KCNC1: variants seen among roughly 807,000 people sequenced by gnomAD.
The protein encoded by KCNC1 is potassium voltage-gated channel subfamily C member 1.
In KCNC1, 8 loss-of-function variants were observed where a neutral mutation model predicts 43.4. That is an observed-to-expected ratio of 0.18 (90% CI 0.11 to 0.33). The LOEUF is 0.33. KCNC1 is among the 10% of genes least tolerant of loss of function. The pLI is 1.00. For missense variants in KCNC1, 420 were observed against 836.0 expected, an observed-to-expected ratio of 0.50 and a Z score of 6.14; for synonymous variants, 361 against 360.5, an observed-to-expected ratio of 1.00 and a Z score of -0.01.
chr11:17,765,591 A>G (rs887395023), intron 1 of KCNC1, among the ~76,000 whole-genome samples: 1 of 152,180 alleles, frequency 6.6e-6, no homozygotes, highest in East Asian at 1.9e-4. Flanking sequence ...CTAGAACACA[A>G]TTGGTGGGTC....
intron 1 of KCNC1, among the ~76,000 whole-genome samples, chr11:17,761,197 C>T (rs1371623501): frequency 6.6e-6 from 1 of 152,188 alleles, no homozygotes; most frequent in African/African-American, 2.4e-5. Flanking sequence ...ACTGGCGGTT[C>T]CCACCAGGCT....
chr11:17,772,734 G>A, intron 2 of KCNC1, 136 bp downstream of exon 2: 1 of 1,502,908 alleles, frequency 6.7e-7, no homozygotes, highest in South Asian at 1.4e-5. Context: ...GAGGTGTGGA[G>A]CCTGGGGGCC....
Position 17,776,256 on chromosome 11 carries a change from G to A in KCNC1, c.1505-3200G>A, listed in dbSNP as rs371698703. On this transcript the variant is annotated intron_variant, in intron 2 of 3. Transcript: ENST00000265969. The surrounding 1 kb of genome is among the most constrained non-coding windows in gnomAD (Gnocchi z 4.4). ...CTCGTTTTGTTGCATGACTTGTGCC[G>A]GTTCTCGTGATTGTTCCCTGCTCGT... The A allele has an allele frequency of 1.0e-5, 10 of 985,036 alleles. No individual in the cohort carries two copies. Among genetic ancestry groups the A allele is most frequent in the Middle Eastern group, 1.0e-3 (2 of 1,914 alleles). The allele number at this position is 985,036 out of a possible 1,614,324, so 61.0% of individuals were successfully genotyped here.
chr11:17,766,154 T>C (rs965216628), intron 1 of KCNC1, among the ~76,000 whole-genome samples: 1 of 152,214 alleles, frequency 6.6e-6, no homozygotes, highest in Non-Finnish European at 1.5e-5. Context: ...TCTGCTGCAT[T>C]ATCTGTGTGT....
rs1269932360 is a variant in KCNC1, at chr11:17,773,205, G to A, written c.1504+607G>A. 6 of 986,178 alleles carry A rather than the reference G, an allele frequency of 6.1e-6. No individual in the cohort carries two copies. The highest frequency in any genetic ancestry group is 1.2e-4 in the Admixed American group (2 of 16,344). 61.1% of individuals were successfully genotyped at this position (986,178 alleles called of 1,614,324 possible). A position where few individuals can be genotyped will look rare whatever the true frequency, so the allele number is the denominator to read the frequency against. The stretch of plus-strand genomic sequence containing the variant: ...CAGCTCGAGGTCCTTCCCAGGAGAC[G>A]CCTGTAGCCCTCCGTGACAAGCTTA... On this transcript the variant is annotated intron_variant, in intron 2 of 3. Coordinates refer to ENST00000265969, the MANE Select transcript of KCNC1 (RefSeq NM_001112741.2). This position sits in a 1 kb window ranked among gnomAD's most constrained non-coding sequence, Gnocchi z 4.1.
Position 17,773,483 on chromosome 11 carries a change from C to T in KCNC1, c.1504+885C>T. ...TCCCACCGAGGGTTCTCCCCGTTTC[C>T]AGCGGTAGGGACTGCAGCAGCAATA... is the stretch of plus-strand genomic sequence containing the variant. On this transcript the variant is annotated intron_variant, in intron 2 of 3. Transcript: ENST00000265969. The surrounding 1 kb of genome is among the most constrained non-coding windows in gnomAD (Gnocchi z 4.1). 1 of 984,456 alleles carries T rather than the reference C, an allele frequency of 1.0e-6. No homozygotes were observed. The highest frequency in any genetic ancestry group is 1.2e-6 in the Non-Finnish European group (1 of 829,846). 61.0% of individuals were successfully genotyped at this position (984,456 alleles called of 1,614,324 possible).
intron 1 of KCNC1, among the ~76,000 whole-genome samples, chr11:17,763,275 C>T (rs560448537): frequency 2.0e-5 from 3 of 151,966 alleles, no homozygotes; most frequent in Non-Finnish European, 4.4e-5. Flanking sequence ...CTCAGCCCCC[C>T]ACCCTGCCTA....
intron 1 of KCNC1, among the ~76,000 whole-genome samples, chr11:17,767,478 G>T (rs1159845073): frequency 1.3e-5 from 2 of 152,106 alleles, no homozygotes; most frequent in Non-Finnish European, 2.9e-5. Context: ...CACATAGTAG[G>T]TCCTCAAGTT....
chr11:17,774,399 G>A, intron 2 of KCNC1: 1 of 985,524 alleles, frequency 1.0e-6, no homozygotes, highest in Non-Finnish European at 1.2e-6. Context: ...TCTTTCAGGA[G>A]TGTTGCCCCA....
chr11:17,780,295 G>A (rs1451683048), intron 3 of KCNC1: 2 of 152,516 alleles, frequency 1.3e-5, no homozygotes, highest in Non-Finnish European at 2.9e-5. Context: ...ACAGGCCTCT[G>A]CCCAGGGTGT....
chr11:17,750,344 C>T (rs552868696), intron 1 of KCNC1, among the ~76,000 whole-genome samples: 6 of 152,132 alleles, frequency 3.9e-5, no homozygotes, highest in Non-Finnish European at 7.4e-5. Context: ...AAGCCTCAGC[C>T]GGTTGCCCAC....
Position 17,775,611 on chromosome 11 carries a change from C to T in KCNC1, c.1504+3013C>T, listed in dbSNP as rs958961751. 4.3e-5 allele frequency: 42 copies of T among 985,498 alleles called. No individual in the cohort carries two copies. In the Admixed American group the frequency reaches 1.2e-3, roughly 29 times the overall value. The allele number at this position is 985,498 out of a possible 1,614,324, so 61.0% of individuals were successfully genotyped here. ...TCCCTCCTGCATCTGCAGTCGGATG[C>T]CCAGACCGCCCACTCTGGACAGCCC... On this transcript the variant is annotated intron_variant, in intron 2 of 3. Transcript: ENST00000265969.
Position 17,779,125 on chromosome 11 carries a change from A to C in KCNC1, c.1505-331A>C. On this transcript the variant is annotated intron_variant, in intron 2 of 3. Coordinates refer to ENST00000265969, the MANE Select transcript of KCNC1 (RefSeq NM_001112741.2). This position sits in a 1 kb window ranked among gnomAD's most constrained non-coding sequence, Gnocchi z 7.2. ...TCTCCCCCATGACTGCATCCACACC[A>C]TCCTGTTTCATCGGCCCTGCTTGGG... 4.5e-6 allele frequency: 1 copy of C among 223,900 alleles called. No individual in the cohort carries two copies. The highest frequency in any genetic ancestry group is 5.4e-5 in the Admixed American group (1 of 18,534). 13.9% of individuals were successfully genotyped at this position (223,900 alleles called of 1,614,324 possible). A position where few individuals can be genotyped will look rare whatever the true frequency, so the allele number is the denominator to read the frequency against.
intron 1 of KCNC1, among the ~76,000 whole-genome samples, chr11:17,748,601 TAA>T (rs1429383716): frequency 1.3e-5 from 2 of 152,070 alleles, no homozygotes; most frequent in African/African-American, 2.4e-5. Context: ...AAATCTAAAA[TAA>T]AATAATTTTT....
In KCNC1 at chr11:17,736,399, G is replaced by A; in HGVS notation, c.397G>A (p.Asp133Asn). 6.2e-7 allele frequency: 1 copy of A among 1,609,764 alleles called. No individual in the cohort carries two copies. The highest frequency in any genetic ancestry group is 1.3e-5 in the African/African-American group (1 of 74,918). The change falls in exon 1 of 4, where the codon GAC becomes AAC. Residue 133 changes from aspartate to asparagine, a missense_variant. Physicochemically the swap from Asp to Asn is conservative, Grantham distance 23. This residue lies in a region of KCNC1 where 151 missense variants were observed against 216.7 expected (regional missense o/e 0.70). Coordinates refer to ENST00000265969, the MANE Select transcript of KCNC1 (RefSeq NM_001112741.2). The surrounding 1 kb of genome is among the most constrained non-coding windows in gnomAD (Gnocchi z 9.3). ...GGAPLDNSAD[D>N]ADADGPGDSG... ...CGCTCCTCTGGACAACAGCGCCGAC[G>A]ACGCGGACGCCGACGGCCCTGGCGA...
intron 2 of KCNC1, chr11:17,775,790 C>T (rs1359234644): frequency 1.2e-5 from 12 of 985,678 alleles, no homozygotes; most frequent in African/African-American, 1.7e-5. Context: ...TGGTGGTGGC[C>T]GGGCTCCCTT....
rs1234395899 is a variant in KCNC1 at position 17,781,466 on chromosome 11, T to C, written c.1694-204T>C. 1.2e-5 allele frequency: 7 copies of C among 571,714 alleles called. No individual in the cohort carries two copies. Among genetic ancestry groups the C allele is most frequent in the Non-Finnish European group, 2.2e-5 (7 of 322,120 alleles). 35.4% of individuals were successfully genotyped at this position (571,714 alleles called of 1,614,324 possible). A position where few individuals can be genotyped will look rare whatever the true frequency, so the allele number is the denominator to read the frequency against. On this transcript the variant is annotated intron_variant, in intron 3 of 3. Transcript: ENST00000265969. This position sits in a 1 kb window ranked among gnomAD's most constrained non-coding sequence, Gnocchi z 5.1. Reference sequence around the variant, plus strand: ...CAATGTGCAGAGCAGAAGTAGGGACTCATCCCATTCCCCCAGGAGGGAGAG... The same window carrying C: ...CAATGTGCAGAGCAGAAGTAGGGACCCATCCCATTCCCCCAGGAGGGAGAG...
intron 1 of KCNC1, among the ~76,000 whole-genome samples, chr11:17,767,728 G>A (rs1375853287): frequency 6.6e-6 from 1 of 152,212 alleles, no homozygotes; most frequent in African/African-American, 2.4e-5. Flanking sequence ...CAGTAGCAGA[G>A]GACAGGAAGG....
chr11:17,775,228 A>G (rs1373323058), intron 2 of KCNC1: 1 of 985,418 alleles, frequency 1.0e-6, no homozygotes. Context: ...CTCCAATTCC[A>G]CTTTTAAAAC....
Sources: gnomAD v4.1 joint callset for allele counts (sites outside exome capture counted in the v4.1 genomes callset) on GRCh38, gnomAD v4.1.1 for gene constraint, gnomAD v4.1.1 regional missense constraint, Gnocchi (gnomAD v3.1) non-coding constraint, MANE v1.5 for transcripts, NCBI Gene and HGNC (gene_info 2026-07-23, HGNC 2026-07-21) for gene names.